Variants in INPP4B observed in about 807,000 individuals in gnomAD.
INPP4B encodes inositol polyphosphate-4-phosphatase type II B, also known as inositol polyphosphate 4-phosphatase type II.
In INPP4B, 55 loss-of-function variants were observed where a neutral mutation model predicts 122.5. That is an observed-to-expected ratio of 0.45 (90% CI 0.36 to 0.56). INPP4B has a LOEUF of 0.56. INPP4B is among the 20% of genes least tolerant of loss of function. The pLI is 0.00. For missense variants in INPP4B, 1,000 were observed against 1,097.7 expected (o/e 0.91, Z 1.26); for synonymous variants, 403 against 388.7 (o/e 1.04, Z -0.43).
chr4:142,359,661 C>T (rs1007279420), intron 7 of INPP4B, among the ~76,000 whole-genome samples: 1 of 151,942 alleles, frequency 6.6e-6, no homozygotes, highest in Non-Finnish European at 1.5e-5. Flanking sequence ...ATATTAAGTA[C>T]TTTCCTCTCC....
chr4:142,496,062 T>C (rs1822521704), intron 2 of INPP4B, among the ~76,000 whole-genome samples: 1 of 152,176 alleles, frequency 6.6e-6, no homozygotes. Context: ...ATTTTTGTAA[T>C]TTATTCAGTT....
chr4:142,401,204 C>T (rs1036296073), intron 7 of INPP4B, among the ~76,000 whole-genome samples: 1 of 152,120 alleles, frequency 6.6e-6, no homozygotes, highest in African/African-American at 2.4e-5. Flanking sequence ...TCCTCCCCAA[C>T]TTTATGATTC....
chr4:142,359,241 G>C (rs1217026113), intron 7 of INPP4B, among the ~76,000 whole-genome samples: 1 of 151,422 alleles, frequency 6.6e-6, no homozygotes, highest in African/African-American at 2.4e-5. Flanking sequence ...AAAAAAACAG[G>C]CTCTGGAGCC....
intron 7 of INPP4B, among the ~76,000 whole-genome samples, chr4:142,348,978 C>T (rs1357485434): frequency 6.6e-6 from 1 of 151,916 alleles, no homozygotes; most frequent in Non-Finnish European, 1.5e-5. Flanking sequence ...AGTGTTGGAG[C>T]AGATGTTAGT....
chr4:142,451,673 C>T (rs985443347), intron 3 of INPP4B, among the ~76,000 whole-genome samples: 2 of 152,112 alleles, frequency 1.3e-5, no homozygotes, highest in Admixed American at 6.5e-5. Flanking sequence ...TTTTGGAGAT[C>T]ACAATCCCAG....
intron 18 of INPP4B, among the ~76,000 whole-genome samples, chr4:142,128,134 C>G (rs889187522): frequency 7.9e-5 from 12 of 152,090 alleles, no homozygotes; most frequent in Admixed American, 2.0e-4. Flanking sequence ...CTATACCTTA[C>G]AGTTTACATG....
chr4:142,633,661 A>T (rs537250205), intron 2 of INPP4B, among the ~76,000 whole-genome samples: 60 of 152,276 alleles, frequency 3.9e-4, no homozygotes, highest in Middle Eastern at 3.4e-3. Flanking sequence ...TTGGAAGAAG[A>T]GAGTAAAATA....
intron 2 of INPP4B, among the ~76,000 whole-genome samples, chr4:142,505,601 G>A (rs1018227455): frequency 1.5e-4 from 23 of 152,264 alleles, no homozygotes; most frequent in Non-Finnish European, 2.4e-4. Flanking sequence ...CTGCCACATA[G>A]TAAGAGCTCA....
chr4:142,357,808 C>T (rs541717123), intron 7 of INPP4B, among the ~76,000 whole-genome samples: 2 of 151,840 alleles, frequency 1.3e-5, no homozygotes, highest in Non-Finnish European at 2.9e-5. Flanking sequence ...CAGAGACAAC[C>T]ACAGAAAATA....
intron 23 of INPP4B, among the ~76,000 whole-genome samples, chr4:142,089,584 A>T (rs1778528563): frequency 6.6e-6 from 1 of 152,026 alleles, no homozygotes; most frequent in Non-Finnish European, 1.5e-5. Flanking sequence ...ACATCATCAA[A>T]TTGTATGCCT....
At chr4:142,244,459 C>G (rs140609329) in intron 11 of INPP4B, among the ~76,000 whole-genome samples, 2,318 of 151,768 alleles carry the variant, frequency 0.015, 67 homozygotes, top group African/African-American at 0.054. Flanking sequence ...ACCATCATGC[C>G]CGGCTAATTA....
chr4:142,476,316 T>C (rs1313882241), intron 2 of INPP4B, among the ~76,000 whole-genome samples: 1 of 152,180 alleles, frequency 6.6e-6, no homozygotes, highest in East Asian at 1.9e-4. Flanking sequence ...CGGACCTGCC[T>C]TATAAGAGGT....
intron 25 of INPP4B, among the ~76,000 whole-genome samples, chr4:142,042,888 C>T (rs1749005366): frequency 6.6e-6 from 1 of 152,112 alleles, no homozygotes; most frequent in Admixed American, 6.6e-5. Flanking sequence ...ATGCTACCAA[C>T]TTTTCCCAGT....
intron 2 of INPP4B, among the ~76,000 whole-genome samples, chr4:142,503,879 T>A (rs900029381): frequency 6.6e-6 from 1 of 152,126 alleles, no homozygotes; most frequent in African/African-American, 2.4e-5. Context: ...TAAATAAATA[T>A]GCTGGCACAA....
intron 7 of INPP4B, among the ~76,000 whole-genome samples, chr4:142,354,541 A>G (rs1050268384): frequency 6.6e-6 from 1 of 152,016 alleles, no homozygotes; most frequent in Non-Finnish European, 1.5e-5. Context: ...AAAAAATAAA[A>G]TAGAATCATT....
At position 142,681,989 on chromosome 4, in the gene INPP4B, G is replaced by A. The variant is rs527756533; in HGVS notation, c.-191+43850C>T. Reference sequence around the variant, plus strand: ...GTGCAATTCTTTTCCTCTTCAACGTGCAAATTTAATCTTAATGTACACCTT... The same window carrying A: ...GTGCAATTCTTTTCCTCTTCAACGTACAAATTTAATCTTAATGTACACCTT... On this transcript the variant is annotated intron_variant, in intron 2 of 25. Transcript: ENST00000262992. Among the ~76,000 whole-genome samples, 16 of 151,880 alleles carry A rather than the reference G, an allele frequency of 1.1e-4. No homozygotes were observed. In the South Asian group the frequency reaches 3.3e-3, roughly 31 times the overall value.
At chr4:142,175,935 A>G (rs1001064304) in intron 15 of INPP4B, among the ~76,000 whole-genome samples, 1 of 152,054 alleles carries the variant, frequency 6.6e-6, no homozygotes, top group African/African-American at 2.4e-5. Flanking sequence ...GACCCAATGC[A>G]GAGTCATGTG....
intron 8 of INPP4B, 71 bp downstream of exon 8, chr4:142,314,641 G>T: frequency 1.4e-6 from 2 of 1,398,978 alleles, no homozygotes; most frequent in Non-Finnish European, 2.0e-6. Context: ...CCAAGCAGGA[G>T]GCCAGAGAAA....
intron 25 of INPP4B, among the ~76,000 whole-genome samples, chr4:142,060,411 T>C (rs1032508409): frequency 1.3e-5 from 2 of 152,168 alleles, no homozygotes; most frequent in African/African-American, 2.4e-5. Context: ...CCTTGCTAGA[T>C]GACAATATAT....
Sources: gnomAD v4.1 joint callset for allele counts (sites outside exome capture counted in the v4.1 genomes callset) on GRCh38, gnomAD v4.1.1 for gene constraint, MANE v1.5 for transcripts, NCBI Gene and HGNC (gene_info 2026-07-23, HGNC 2026-07-21) for gene names.